The following VSTM2L variants were observed in gnomAD, a reference collection of about 807,000 sequenced individuals.
The protein encoded by VSTM2L is V-set and transmembrane domain containing 2 like.
A neutral mutation model predicts 19.9 loss-of-function variants in VSTM2L; 9 were observed. The observed-to-expected ratio is 0.45, with a 90% CI of 0.27 to 0.79. The LOEUF (loss-of-function observed/expected upper bound fraction) is 0.79, where lower values mean the gene tolerates loss of function less well. Ranked by LOEUF, VSTM2L falls within the 30% of genes least tolerant of loss-of-function variation. The pLI is 0.15. For missense variants in VSTM2L, 286 were observed against 295.5 expected (o/e 0.97, Z 0.24); for synonymous variants, 127 against 133.8 (o/e 0.95, Z 0.35).
chr20:37,915,895 G>A (rs911777339), intron 1 of VSTM2L, among the ~76,000 whole-genome samples: 1 of 152,100 alleles, frequency 6.6e-6, no homozygotes, highest in African/African-American at 2.4e-5. Context: ...CTGTCCGTTG[G>A]TCTCTGCCTC....
chr20:37,914,284 ATGTGTGGG>A lies in VSTM2L; in HGVS notation c.121+10828_121+10835del, dbSNP rs926063639. Among the ~76,000 whole-genome samples the A allele has an allele frequency of 7.4e-5, 8 of 108,668 alleles. No individual in the cohort carries two copies. In the South Asian group the frequency reaches 9.8e-4, roughly 13 times the overall value. 71.3% of individuals were successfully genotyped at this position (108,668 alleles called of 152,430 possible). ...GTGTATGTGTGGTGTCTGTGTGTAT[ATGTGTGGG>A]TGTGTGGGTGTGTGCATCTGTGTGT... On this transcript the variant is annotated intron_variant, in intron 1 of 3. Coordinates refer to ENST00000373461, the MANE Select transcript of VSTM2L (RefSeq NM_080607.3).
At chr20:37,913,978 G>A (rs1193367942) in intron 1 of VSTM2L, among the ~76,000 whole-genome samples, 2 of 152,114 alleles carry the variant, frequency 1.3e-5, no homozygotes, top group African/African-American at 2.4e-5. Flanking sequence ...GGATGCGGGC[G>A]TGCACGGACA....
chr20:37,944,985 C>T lies in VSTM2L; in HGVS notation c.*732C>T. 2 of 985,804 alleles carry T rather than the reference C, an allele frequency of 2.0e-6. No individual in the cohort carries two copies. Among genetic ancestry groups the T allele is most frequent in the Non-Finnish European group, 2.4e-6 (2 of 829,972 alleles). The allele number at this position is 985,804 out of a possible 1,614,324, so 61.1% of individuals were successfully genotyped here. A position where few individuals can be genotyped will look rare whatever the true frequency, so the allele number is the denominator to read the frequency against. On this transcript the variant is annotated 3_prime_UTR_variant, in exon 4 of 4. Coordinates refer to ENST00000373461, the MANE Select transcript of VSTM2L (RefSeq NM_080607.3). ...CAGGCAGAGTTTTGCACCAGCAGGA[C>T]CCCTTTGAGGGCCTTCAAGGCTCTC... is the stretch of plus-strand genomic sequence containing the variant.
In VSTM2L at chr20:37,942,620, T is replaced by A. The variant is rs74389213; in HGVS notation, c.343-1361T>A. On this transcript the variant is annotated intron_variant, in intron 3 of 3. Transcript: ENST00000373461. ...AAAAACGAATCTATGGTGATAGAAGTCAGTCAGAAAGCGGGGGACCCCAGA... is the reference window on the plus strand; with the variant it reads ...AAAAACGAATCTATGGTGATAGAAGACAGTCAGAAAGCGGGGGACCCCAGA... Among the ~76,000 whole-genome samples, 173 of 152,234 alleles carry A rather than the reference T, an allele frequency of 1.1e-3. 2 individuals carry two copies. In the East Asian group the frequency reaches 0.029, roughly 25 times the overall value.
chr20:37,944,629 G>A lies in VSTM2L; in HGVS notation c.*376G>A, dbSNP rs56312474. ...TCCTGTCCTGAGCCGGGGCCCCCCA[G>A]CCTCGCCTCCCTCCTCCTACCATCC... is the stretch of plus-strand genomic sequence containing the variant. On this transcript the variant is annotated 3_prime_UTR_variant, in exon 4 of 4. Coordinates refer to ENST00000373461, the MANE Select transcript of VSTM2L (RefSeq NM_080607.3). 38 of 1,026,658 alleles carry A rather than the reference G, an allele frequency of 3.7e-5. No homozygotes were observed. The East Asian group carries it at 2.7e-3, about 74-fold the overall frequency. 63.6% of individuals were successfully genotyped at this position (1,026,658 alleles called of 1,614,324 possible).
intron 1 of VSTM2L, among the ~76,000 whole-genome samples, chr20:37,924,322 G>T (rs2072868082): frequency 6.6e-6 from 1 of 152,128 alleles, no homozygotes; most frequent in African/African-American, 2.4e-5. Flanking sequence ...GGAGGCCGAG[G>T]TGGGCGGATC....
intron 1 of VSTM2L, among the ~76,000 whole-genome samples, chr20:37,915,538 G>A (rs915582177): frequency 6.6e-6 from 1 of 152,088 alleles, no homozygotes; most frequent in Admixed American, 6.5e-5. Flanking sequence ...CCCACTGTGT[G>A]CCTGCGTGAT....
Position 37,944,044 on chromosome 20 carries a change from G to A in VSTM2L, c.406G>A (p.Asp136Asn). The change falls in exon 4 of 4, where the codon GAC becomes AAC. Residue 136 changes from aspartate (D) to asparagine (N), a missense_variant. Coordinates refer to ENST00000373461, the MANE Select transcript of VSTM2L (RefSeq NM_080607.3). ...GCGCCTGTCCCGGGTGAAGCCCACG[G>A]ACGAAGGCACCTACGAGTGCCGCGT... ...KLRLSRVKPT[D>N]EGTYECRVID... 1.2e-6 allele frequency: 2 copies of A among 1,610,946 alleles called. No homozygotes were observed. The highest frequency in any genetic ancestry group is 1.7e-6 in the Non-Finnish European group (2 of 1,177,792).
chr20:37,930,706 G>A (rs2122965791), intron 1 of VSTM2L, among the ~76,000 whole-genome samples: 1 of 152,240 alleles, frequency 6.6e-6, no homozygotes, highest in Middle Eastern at 3.4e-3. Flanking sequence ...TGGGCCAGGG[G>A]AACCGTATGC....
At chr20:37,938,744 G>C (rs1358463813) in intron 3 of VSTM2L, among the ~76,000 whole-genome samples, 1 of 152,230 alleles carries the variant, frequency 6.6e-6, no homozygotes, top group Non-Finnish European at 1.5e-5. Context: ...CAGCTGGGTC[G>C]CCATGCGGGG....
At chr20:37,903,938 C>G in intron 1 of VSTM2L, among the ~76,000 whole-genome samples, 1 of 152,192 alleles carries the variant, frequency 6.6e-6, no homozygotes, top group East Asian at 1.9e-4. Context: ...TGCAGACACA[C>G]TGGTGCGCGC....
In VSTM2L at chr20:37,944,724, T is replaced by C; in HGVS notation, c.*471T>C. On this transcript the variant is annotated 3_prime_UTR_variant, in exon 4 of 4. Transcript: ENST00000373461. ...TGGACTTGAATCTTCTGAGCAGAACTAGGGCCTCTCCCCTGGTGAAGACCC... is the reference window on the plus strand; with the variant it reads ...TGGACTTGAATCTTCTGAGCAGAACCAGGGCCTCTCCCCTGGTGAAGACCC... 1.0e-6 allele frequency: 1 copy of C among 987,772 alleles called. No individual in the cohort carries two copies. The highest frequency in any genetic ancestry group is 1.2e-6 in the Non-Finnish European group (1 of 831,604). The allele number at this position is 987,772 out of a possible 1,614,324, so 61.2% of individuals were successfully genotyped here.
chr20:37,906,486 T>C (rs1469943165), intron 1 of VSTM2L, among the ~76,000 whole-genome samples: 1 of 152,156 alleles, frequency 6.6e-6, no homozygotes, highest in African/African-American at 2.4e-5. Context: ...GGTGCAAGCA[T>C]TGATGAAATG....
chr20:37,918,060 T>C (rs1406682110), intron 1 of VSTM2L, among the ~76,000 whole-genome samples: 1 of 152,220 alleles, frequency 6.6e-6, no homozygotes, highest in Non-Finnish European at 1.5e-5. Flanking sequence ...ATTCATTTCT[T>C]TGTTCATTCA....
chr20:37,910,049 C>G (rs118061638), intron 1 of VSTM2L, among the ~76,000 whole-genome samples: 1 of 152,214 alleles, frequency 6.6e-6, no homozygotes, highest in Non-Finnish European at 1.5e-5. Flanking sequence ...CCAGTTTCAA[C>G]CCTCTTCAAA....
intron 3 of VSTM2L, among the ~76,000 whole-genome samples, chr20:37,938,828 A>G (rs961091118): frequency 3.3e-5 from 5 of 152,114 alleles, no homozygotes; most frequent in African/African-American, 9.7e-5. Context: ...TGTGTGGTGG[A>G]TGAAATCCAA....
At chr20:37,916,068 C>A (rs1302033158) in intron 1 of VSTM2L, among the ~76,000 whole-genome samples, 3 of 152,228 alleles carry the variant, frequency 2.0e-5, no homozygotes, top group Admixed American at 6.5e-5. Flanking sequence ...TTGCTTCCCC[C>A]ACTTCTTCCC....
chr20:37,944,954 T>C lies in VSTM2L; in HGVS notation c.*701T>C. The C allele has an allele frequency of 3.0e-6, 3 of 985,806 alleles. No individual in the cohort carries two copies. The highest frequency in any genetic ancestry group is 3.6e-6 in the Non-Finnish European group (3 of 829,956). The allele number at this position is 985,806 out of a possible 1,614,324, so 61.1% of individuals were successfully genotyped here. A position where few individuals can be genotyped will look rare whatever the true frequency, so the allele number is the denominator to read the frequency against. ...GGGAGGGGCCTTTCCCTCGGACCCA[T>C]GGCCCCAGGCAGAGTTTTGCACCAG... On this transcript the variant is annotated 3_prime_UTR_variant, in exon 4 of 4. Coordinates refer to ENST00000373461, the MANE Select transcript of VSTM2L (RefSeq NM_080607.3).
intron 1 of VSTM2L, among the ~76,000 whole-genome samples, chr20:37,912,637 CT>C (rs980291228): frequency 1.3e-5 from 2 of 152,200 alleles, no homozygotes; most frequent in African/African-American, 2.4e-5. Flanking sequence ...CCAGCCTTCC[CT>C]GCCACCTGCA....
Sources: allele counts gnomAD v4.1 joint callset (sites outside exome capture counted in the v4.1 genomes callset), GRCh38; gene constraint gnomAD v4.1.1; transcripts MANE v1.5; gene names NCBI Gene and HGNC (gene_info 2026-07-23, HGNC 2026-07-21).